Variants in NXPE2 observed in about 807,000 individuals in gnomAD.
The protein encoded by NXPE2 is NXPE family member 2.
A neutral mutation model predicts 34.4 loss-of-function variants in NXPE2; 34 were observed. The ratio of observed to expected loss-of-function variants is 0.99; its 90% CI spans 0.75 to 1.31. The LOEUF is 1.31. Among genes scored for constraint, NXPE2 ranks in the 40% most tolerant of loss-of-function variants. NXPE2 has a pLI of 0.00. For missense variants in NXPE2, 649 were observed against 672.5 expected (o/e 0.97, Z 0.39); for synonymous variants, 235 against 231.3 (o/e 1.02, Z -0.15).
the NXPE2 span, among the ~76,000 whole-genome samples, chr11:114,624,566 C>T: frequency 1.3e-5 from 2 of 151,678 alleles, no homozygotes; most frequent in Admixed American, 6.6e-5. Flanking sequence ...TAAGTATTGC[C>T]CCGTGGGTAA....
At chr11:114,545,433 A>ATG in the NXPE2 span, among the ~76,000 whole-genome samples, 2,079 of 152,286 alleles carry the variant, frequency 0.014, 51 homozygotes, top group African/African-American at 0.048. Flanking sequence ...TGAATCTTAA[A>ATG]TGCATAATGC....
At chr11:114,652,349 C>T in the NXPE2 span, among the ~76,000 whole-genome samples, 1 of 152,214 alleles carries the variant, frequency 6.6e-6, no homozygotes, top group Non-Finnish European at 1.5e-5. Flanking sequence ...AGAGCCAAAG[C>T]TCCCTGTGCC....
the NXPE2 span, among the ~76,000 whole-genome samples, chr11:114,650,820 C>G: frequency 1.3e-5 from 2 of 150,532 alleles, no homozygotes. Context: ...TTGCCAAAGA[C>G]AAAGGCTGGA....
the NXPE2 span, among the ~76,000 whole-genome samples, chr11:114,470,577 A>C: frequency 7.0e-6 from 1 of 141,928 alleles, no homozygotes; most frequent in Non-Finnish European, 1.5e-5. Context: ...GAGAAAAAGA[A>C]TTGACGTGTG....
the NXPE2 span, among the ~76,000 whole-genome samples, chr11:114,601,963 TATTATATATTCTG>T: frequency 3.7e-5 from 3 of 81,186 alleles, no homozygotes; most frequent in South Asian, 8.1e-4. Context: ...TAATATTATA[TATTATATATTCTG>T]TTATATATAA....
chr11:114,710,922 A>G (rs977669332), downstream of NXPE2, among the ~76,000 whole-genome samples: 2 of 152,214 alleles, frequency 1.3e-5, no homozygotes, highest in Non-Finnish European at 2.9e-5. Flanking sequence ...TACCTGGAAT[A>G]CAAGGATGGC....
the NXPE2 span, among the ~76,000 whole-genome samples, chr11:114,544,471 G>A: frequency 6.6e-6 from 1 of 152,152 alleles, no homozygotes; most frequent in Non-Finnish European, 1.5e-5. Context: ...AAGGCAATTT[G>A]ATGGAAAAAT....
At chr11:114,593,654 C>T in the NXPE2 span, among the ~76,000 whole-genome samples, 1 of 152,046 alleles carries the variant, frequency 6.6e-6, no homozygotes, top group East Asian at 1.9e-4. Flanking sequence ...CCATATGATC[C>T]AGCAATCCCA....
the NXPE2 span, among the ~76,000 whole-genome samples, chr11:114,558,480 A>G: frequency 1.3e-5 from 2 of 152,164 alleles, no homozygotes; most frequent in African/African-American, 4.8e-5. Flanking sequence ...AATGCCTTCT[A>G]TTAGATTGAG....
chr11:114,612,225 T>C, the NXPE2 span, among the ~76,000 whole-genome samples: 3 of 150,522 alleles, frequency 2.0e-5, no homozygotes, highest in Non-Finnish European at 4.4e-5. Flanking sequence ...GTTGCCTCTA[T>C]GGTAACCACT....
At chr11:114,680,725 G>A (rs1298131201) in intron 2 of NXPE2, among the ~76,000 whole-genome samples, 3 of 152,102 alleles carry the variant, frequency 2.0e-5, no homozygotes, top group African/African-American at 7.2e-5. Flanking sequence ...ATCTCAGTTT[G>A]AGCCTAAGAT....
chr11:114,627,802 T>C, the NXPE2 span, among the ~76,000 whole-genome samples: 2 of 151,600 alleles, frequency 1.3e-5, no homozygotes, highest in Non-Finnish European at 2.9e-5. Context: ...ACACATGGGC[T>C]CAAAATAAAA....
the NXPE2 span, among the ~76,000 whole-genome samples, chr11:114,469,368 C>A: frequency 1.3e-5 from 2 of 151,292 alleles, no homozygotes; most frequent in Non-Finnish European, 2.9e-5. Flanking sequence ...CTGCCTCAGC[C>A]TCCCAAAGTG....
the NXPE2 span, among the ~76,000 whole-genome samples, chr11:114,604,493 A>C: frequency 1.3e-5 from 2 of 152,154 alleles, no homozygotes; most frequent in South Asian, 4.1e-4. Flanking sequence ...GTGGATAATA[A>C]GTGTTGCCTC....
upstream of NXPE2, among the ~76,000 whole-genome samples, chr11:114,676,138 C>T (rs1038478612): frequency 2.6e-5 from 4 of 151,904 alleles, no homozygotes; most frequent in Admixed American, 2.6e-4. Context: ...GGACCTGAAA[C>T]TGTAAAACTG....
chr11:114,789,459 C>T, the NXPE2 span, among the ~76,000 whole-genome samples: 1 of 152,180 alleles, frequency 6.6e-6, no homozygotes, highest in African/African-American at 2.4e-5. Flanking sequence ...AGACACTACC[C>T]TTACAGAGGA....
chr11:114,804,983 C>CAT, the NXPE2 span, among the ~76,000 whole-genome samples: 323 of 152,218 alleles, frequency 2.1e-3, 6 homozygotes, highest in Admixed American at 0.019. Flanking sequence ...GATGTTTTCT[C>CAT]TTTAGAGTAT....
the NXPE2 span, among the ~76,000 whole-genome samples, chr11:114,750,164 T>C: frequency 6.6e-6 from 1 of 152,170 alleles, no homozygotes; most frequent in African/African-American, 2.4e-5. Flanking sequence ...TTGCTCTGCC[T>C]ACCTAAAGGT....
At chr11:114,474,421 C>T in the NXPE2 span, among the ~76,000 whole-genome samples, 2 of 152,108 alleles carry the variant, frequency 1.3e-5, no homozygotes, top group Non-Finnish European at 2.9e-5. Flanking sequence ...GAAACCTGAT[C>T]CTGTAGGATT....
Sources: gnomAD v4.1 joint callset for allele counts (sites outside exome capture counted in the v4.1 genomes callset) on GRCh38, gnomAD v4.1.1 for gene constraint, MANE v1.5 for transcripts, NCBI Gene and HGNC (gene_info 2026-07-23, HGNC 2026-07-21) for gene names.